KCNIP4: variants seen among roughly 807,000 people sequenced by gnomAD.
KCNIP4 encodes Kv channel-interacting protein 4.
KCNIP4 carries 12 observed loss-of-function variants against 34.0 expected under a neutral mutation model. The observed-to-expected ratio is 0.35, with a 90% CI of 0.23 to 0.57. The LOEUF is 0.57. KCNIP4 is among the 20% of genes least tolerant of loss of function. The probability of loss-of-function intolerance (pLI) is 0.83; values close to 1 mark genes in which losing one functional copy is unlikely to be tolerated. For synonymous variants in KCNIP4, 124 were observed against 102.2 expected (o/e 1.21, Z -1.29); for missense variants, 238 against 311.7 (o/e 0.76, Z 1.78).
chr4:21,693,582 A>G (rs994010068), intron 1 of KCNIP4, among the ~76,000 whole-genome samples: 2 of 152,076 alleles, frequency 1.3e-5, no homozygotes, highest in South Asian at 4.1e-4. Flanking sequence ...TAAATAAATA[A>G]ATAAGTCTTT....
intron 1 of KCNIP4, among the ~76,000 whole-genome samples, chr4:21,561,396 A>T (rs531053718): frequency 1.3e-5 from 2 of 152,068 alleles, no homozygotes; most frequent in Non-Finnish European, 2.9e-5. Flanking sequence ...TAAAGACTAA[A>T]AATAGAAGGG....
chr4:21,293,470 A>C (rs1401077629), intron 1 of KCNIP4, among the ~76,000 whole-genome samples: 1 of 152,232 alleles, frequency 6.6e-6, no homozygotes, highest in Non-Finnish European at 1.5e-5. Context: ...ATAGGACTAC[A>C]TTCTACTGCA....
Position 21,527,123 on chromosome 4 carries a change from T to C in KCNIP4, c.61+421448A>G, listed in dbSNP as rs539376616. On this transcript the variant is annotated intron_variant, in intron 1 of 8. Transcript: ENST00000382152. ...TACAAGGGTTATGGCATTCAGATAA[T>C]GCCTAGGCTGCCGTTTCCATTTGAG... Among the ~76,000 whole-genome samples, 23 of 152,262 alleles carry C rather than the reference T, an allele frequency of 1.5e-4. No individual in the cohort carries two copies. The South Asian group carries it at 4.6e-3, about 30-fold the overall frequency.
intron 1 of KCNIP4, among the ~76,000 whole-genome samples, chr4:21,167,228 CAA>C (rs1753697755): frequency 6.6e-6 from 1 of 151,974 alleles, no homozygotes; most frequent in South Asian, 2.1e-4. Flanking sequence ...CTGGGAGAAA[CAA>C]GAGAAAGTTC....
chr4:21,401,233 A>G (rs1366493432), intron 1 of KCNIP4, among the ~76,000 whole-genome samples: 1 of 152,182 alleles, frequency 6.6e-6, no homozygotes, highest in Non-Finnish European at 1.5e-5. Context: ...GTTCTCTATT[A>G]AAGAGTACCA....
intron 2 of KCNIP4, among the ~76,000 whole-genome samples, chr4:20,860,626 C>T (rs1367185725): frequency 1.3e-5 from 2 of 152,146 alleles, no homozygotes; most frequent in Admixed American, 6.5e-5. Flanking sequence ...GCCATTACTC[C>T]TAATGTTTAC....
At chr4:21,114,738 A>G (rs927685678) in intron 1 of KCNIP4, among the ~76,000 whole-genome samples, 3 of 152,242 alleles carry the variant, frequency 2.0e-5, no homozygotes, top group African/African-American at 7.2e-5. Flanking sequence ...ATCATTAAAT[A>G]CCATCATTTT....
At position 21,932,118 on chromosome 4, in the gene KCNIP4, T is replaced by C. The variant is rs113863674; in HGVS notation, c.61+16453A>G. ...GTGGTTGAGTCAGAAAATGTCCACA[T>C]GTTAGTGTGGTAACCTATACCATAT... On this transcript the variant is annotated intron_variant, in intron 1 of 8. Transcript: ENST00000382152. Among the ~76,000 whole-genome samples, 1,113 of 152,234 alleles carry C rather than the reference T, an allele frequency of 7.3e-3. 14 individuals carry two copies. Among genetic ancestry groups the C allele is most frequent in the African/African-American group, 0.025 (1,051 of 41,548 alleles).
intron 1 of KCNIP4, among the ~76,000 whole-genome samples, chr4:21,602,291 T>G (rs988917591): frequency 1.3e-5 from 2 of 152,174 alleles, no homozygotes; most frequent in Non-Finnish European, 2.9e-5. Flanking sequence ...TTTGCTTGCA[T>G]GTCCTTCTCC....
At chr4:21,781,212 T>G (rs1443704236) in intron 1 of KCNIP4, among the ~76,000 whole-genome samples, 2 of 152,120 alleles carry the variant, frequency 1.3e-5, no homozygotes, top group Non-Finnish European at 2.9e-5. Context: ...TCTGATAGTT[T>G]TATAAGCGTC....
At chr4:20,826,961 A>G (rs1288147757) in intron 3 of KCNIP4, among the ~76,000 whole-genome samples, 1 of 152,184 alleles carries the variant, frequency 6.6e-6, no homozygotes, top group African/African-American at 2.4e-5. Flanking sequence ...ACCACCATCA[A>G]CTTCTTCTTC....
chr4:21,519,637 A>C (rs146381100), intron 1 of KCNIP4, among the ~76,000 whole-genome samples: 10 of 76,272 alleles, frequency 1.3e-4, no homozygotes, highest in African/African-American at 3.8e-4. Flanking sequence ...TATATACACA[A>C]ATGTGTGTGT....
intron 6 of KCNIP4, 35 bp from the exon 7 acceptor site, chr4:20,732,820 A>G (rs778592981): frequency 8.0e-7 from 1 of 1,252,956 alleles, no homozygotes; most frequent in South Asian, 1.2e-5. Context: ...GAGGCTGCAC[A>G]CATGTATGAA....
chr4:21,364,815 C>G (rs557965252), intron 1 of KCNIP4, among the ~76,000 whole-genome samples: 59 of 152,198 alleles, frequency 3.9e-4, no homozygotes, highest in Non-Finnish European at 7.4e-4. Flanking sequence ...TGGGTGATTT[C>G]ATAGTATGAA....
At chr4:21,498,630 A>G (rs910478825) in intron 1 of KCNIP4, among the ~76,000 whole-genome samples, 15 of 152,114 alleles carry the variant, frequency 9.9e-5, no homozygotes, top group Admixed American at 1.3e-4. Flanking sequence ...AAACAGACAA[A>G]CCTTTTGTGA....
chr4:21,112,049 C>CTATCTATCTATCTATATATCTATA, intron 1 of KCNIP4, among the ~76,000 whole-genome samples: 1 of 151,826 alleles, frequency 6.6e-6, no homozygotes, highest in African/African-American at 2.4e-5. Context: ...ATCTATCTAT[C>CTATCTATCTATCTATATATCTATA]TATCTATCTA....
chr4:20,782,621 A>AGG (rs1228789851), intron 3 of KCNIP4, among the ~76,000 whole-genome samples: 1 of 152,118 alleles, frequency 6.6e-6, no homozygotes, highest in Non-Finnish European at 1.5e-5. Context: ...GCTGGGATGC[A>AGG]GGGCACCAAG....
chr4:21,751,580 C>T (rs1371635485), intron 1 of KCNIP4, among the ~76,000 whole-genome samples: 1 of 152,116 alleles, frequency 6.6e-6, no homozygotes, highest in Non-Finnish European at 1.5e-5. Flanking sequence ...CTCTATTGTA[C>T]TATTCAGTTT....
At chr4:20,803,838 A>G (rs1055343309) in intron 3 of KCNIP4, among the ~76,000 whole-genome samples, 4 of 152,152 alleles carry the variant, frequency 2.6e-5, no homozygotes, top group Non-Finnish European at 4.4e-5. Context: ...AACAAATTCA[A>G]TATGGAGGCC....
Sources: allele counts gnomAD v4.1 joint callset (sites outside exome capture counted in the v4.1 genomes callset), GRCh38; gene constraint gnomAD v4.1.1; transcripts MANE v1.5; gene names NCBI Gene and HGNC (gene_info 2026-07-23, HGNC 2026-07-21).